The following IL1RL1 variants were observed in gnomAD, a reference collection of about 807,000 sequenced individuals.
IL1RL1 encodes interleukin 1 receptor like 1.
In IL1RL1, 32 loss-of-function variants were observed where a neutral mutation model predicts 50.9. The ratio of observed to expected loss-of-function variants is 0.63; its 90% CI spans 0.47 to 0.84. The LOEUF is 0.84. Ranked by LOEUF, IL1RL1 falls within the 40% of genes least tolerant of loss-of-function variation. The pLI is 0.00. For missense variants in IL1RL1, 773 were observed against 662.9 expected (o/e 1.17, Z -1.82); for synonymous variants, 275 against 236.0 (o/e 1.17, Z -1.51).
chr2:102,326,554 T>C (rs1464573932), intron 1 of IL1RL1, among the ~76,000 whole-genome samples: 1 of 152,096 alleles, frequency 6.6e-6, no homozygotes, highest in Non-Finnish European at 1.5e-5. Context: ...AGACACAGAC[T>C]GGCAAATTGG....
Position 102,332,870 on chromosome 2 carries a change from G to A in IL1RL1, c.-149-5246G>A, listed in dbSNP as rs187309361. Among the ~76,000 whole-genome samples the A allele has an allele frequency of 3.9e-3, 593 of 152,260 alleles. 2 individuals carry two copies. Among genetic ancestry groups the A allele is most frequent in the Middle Eastern group, 0.024 (7 of 294 alleles). On this transcript the variant is annotated intron_variant, in intron 1 of 10. Transcript: ENST00000233954. ...CAAAAAAAGAACAGAAAATTGAGTA[G>A]TTAGGCTAAGTCTCACAGAGAATGT...
At chr2:102,345,581 G>T (rs1399779400) in intron 8 of IL1RL1, 17 of 985,374 alleles carry the variant, frequency 1.7e-5, no homozygotes, top group Non-Finnish European at 2.0e-5. Context: ...AAGGATAGGG[G>T]TGTGGGGACA....
intron 1 of IL1RL1, among the ~76,000 whole-genome samples, chr2:102,312,069 T>C (rs1217126408): frequency 1.2e-5 from 1 of 85,622 alleles, no homozygotes; most frequent in African/African-American, 4.6e-5. Flanking sequence ...ATAACATTAT[T>C]GTTATAATGT....
chr2:102,344,053 C>A, intron 8 of IL1RL1: 2 of 325,558 alleles, frequency 6.1e-6, no homozygotes, highest in Non-Finnish European at 8.8e-6. Flanking sequence ...GGAAGCATGG[C>A]GGCATCTGCT....
chr2:102,314,137 G>C (rs909646016), intron 1 of IL1RL1, among the ~76,000 whole-genome samples: 2 of 128,466 alleles, frequency 1.6e-5, no homozygotes, highest in African/African-American at 5.6e-5. Context: ...AGCACGCTTG[G>C]AATAACATAG....
intron 1 of IL1RL1, among the ~76,000 whole-genome samples, chr2:102,325,019 G>T (rs183594666): frequency 6.6e-6 from 1 of 152,184 alleles, no homozygotes; most frequent in South Asian, 2.1e-4. Flanking sequence ...CTCCCAGCAC[G>T]CAGCTGGAGA....
chr2:102,320,457 C>G (rs1283666419), intron 1 of IL1RL1, among the ~76,000 whole-genome samples: 1 of 152,172 alleles, frequency 6.6e-6, no homozygotes, highest in Non-Finnish European at 1.5e-5. Flanking sequence ...TTAATTTCAT[C>G]TATACAGTGA....
intron 8 of IL1RL1, chr2:102,344,696 T>G: frequency 1.7e-5 from 15 of 897,452 alleles, no homozygotes; most frequent in Non-Finnish European, 2.0e-5. Flanking sequence ...AAATATTTGT[T>G]GACTGAATAA....
intron 1 of IL1RL1, among the ~76,000 whole-genome samples, chr2:102,324,339 T>C (rs543464400): frequency 3.9e-5 from 6 of 152,190 alleles, no homozygotes; most frequent in Admixed American, 3.3e-4. Context: ...GTCAGTCTTT[T>C]TTATTAGCTA....
intron 9 of IL1RL1, 125 bp from the exon 10 acceptor site, chr2:102,348,953 AG>A (rs1677858551): frequency 1.5e-6 from 1 of 679,274 alleles, no homozygotes; most frequent in Non-Finnish European, 2.6e-6. Flanking sequence ...TCTTGAGTCT[AG>A]AATATTTTGG....
intron 1 of IL1RL1, among the ~76,000 whole-genome samples, chr2:102,332,707 T>C (rs1052635169): frequency 2.6e-5 from 4 of 152,144 alleles, no homozygotes; most frequent in Non-Finnish European, 5.9e-5. Context: ...TACTCGGGGA[T>C]GGTGAAAATG....
chr2:102,331,691 C>T (rs1443021344), intron 1 of IL1RL1, among the ~76,000 whole-genome samples: 2 of 152,202 alleles, frequency 1.3e-5, no homozygotes, highest in African/African-American at 2.4e-5. Flanking sequence ...AGACAGACTG[C>T]TCCTGTTTAG....
At chr2:102,322,626 C>T (rs1344703117) in intron 1 of IL1RL1, among the ~76,000 whole-genome samples, 8 of 152,154 alleles carry the variant, frequency 5.3e-5, no homozygotes, top group African/African-American at 1.7e-4. Context: ...ATATGATTTT[C>T]TACTCTTTTC....
At position 102,351,698 on chromosome 2, in the gene IL1RL1, A is replaced by G. The variant is rs1677941055; in HGVS notation, c.1448A>G (p.Glu483Gly). ...NDAKVILIEM[E>G]ALSELDMLQA... ...GCCAAGGTGATACTTATTGAGATGG[A>G]GGCTCTGAGCGAGCTGGACATGCTG... The change falls in exon 11 of 11, where the codon GAG (glutamate) becomes GGG (glycine). Residue 483 changes from glutamate (E) to glycine (G), a missense_variant. Physicochemically the swap from Glu to Gly is moderately conservative, Grantham distance 98. Coordinates refer to ENST00000233954, the MANE Select transcript of IL1RL1 (RefSeq NM_016232.5). The G allele has an allele frequency of 6.2e-7, 1 of 1,613,960 alleles. No homozygotes were observed. The highest frequency in any genetic ancestry group is 8.5e-7 in the Non-Finnish European group (1 of 1,180,018).
chr2:102,322,786 A>G (rs1676871603), intron 1 of IL1RL1, among the ~76,000 whole-genome samples: 1 of 152,176 alleles, frequency 6.6e-6, no homozygotes, highest in African/African-American at 2.4e-5. Context: ...TTCTTCCCAG[A>G]GAGTTGCCCT....
At chr2:102,319,078 A>G (rs1472989000) in intron 1 of IL1RL1, among the ~76,000 whole-genome samples, 2 of 152,198 alleles carry the variant, frequency 1.3e-5, no homozygotes, top group Admixed American at 1.3e-4. Context: ...AGCAGGCTAT[A>G]TCTTCCTGGT....
chr2:102,333,628 G>A (rs1677231867), intron 1 of IL1RL1, among the ~76,000 whole-genome samples: 1 of 152,022 alleles, frequency 6.6e-6, no homozygotes, highest in Non-Finnish European at 1.5e-5. Flanking sequence ...TAGATTCTAA[G>A]GTACATGTAC....
At chr2:102,320,733 G>C (rs982283445) in intron 1 of IL1RL1, among the ~76,000 whole-genome samples, 4 of 152,000 alleles carry the variant, frequency 2.6e-5, no homozygotes, top group African/African-American at 9.7e-5. Flanking sequence ...AGTCCTACTA[G>C]TTCTACCCTC....
chr2:102,319,176 CT>C (rs145359805), intron 1 of IL1RL1, among the ~76,000 whole-genome samples: 2,637 of 148,698 alleles, frequency 0.018, 81 homozygotes, highest in African/African-American at 0.059. Flanking sequence ...ATTTCTTACA[CT>C]TTTTTTTTTA....
Sources: allele counts gnomAD v4.1 joint callset (sites outside exome capture counted in the v4.1 genomes callset), GRCh38; gene constraint gnomAD v4.1.1; transcripts MANE v1.5; gene names NCBI Gene and HGNC (gene_info 2026-07-23, HGNC 2026-07-21).